Variants in GLRA2 observed in about 807,000 individuals in gnomAD.
GLRA2 encodes the protein glycine receptor subunit alpha-2.
In GLRA2, 11 loss-of-function variants were observed where a neutral mutation model predicts 31.6. The ratio of observed to expected loss-of-function variants is 0.35; its 90% CI spans 0.22 to 0.58. The LOEUF (loss-of-function observed/expected upper bound fraction) is 0.58. GLRA2 is among the 20% of genes least tolerant of loss of function. GLRA2 has a pLI of 0.84. For missense variants in GLRA2, 212 were observed against 351.8 expected (o/e 0.60, Z 3.18); for synonymous variants, 132 against 134.0 (o/e 0.99, Z 0.10).
At chrX:14,500,259 C>A in the GLRA2 span, among the ~76,000 whole-genome samples, 2 of 111,903 alleles carry the variant, frequency 1.8e-5, no homozygotes, top group Non-Finnish European at 3.8e-5. Context: ...TTTTTCAGCA[C>A]TAGATGGCTG....
At chrX:14,520,360 A>G in the GLRA2 span, among the ~76,000 whole-genome samples, 2 of 112,407 alleles carry the variant, frequency 1.8e-5, no homozygotes, top group East Asian at 5.6e-4. Flanking sequence ...CAAAGGAGAA[A>G]TCTTTCTAAT....
chrX:14,590,364 T>G, intron 4 of GLRA2, among the ~76,000 whole-genome samples: 1 of 111,377 alleles, frequency 9.0e-6, no homozygotes, highest in South Asian at 3.9e-4. Flanking sequence ...CTCCAAACAA[T>G]CTTGTCTAAT....
At chrX:14,606,568 A>G (rs759491042) in intron 5 of GLRA2, among the ~76,000 whole-genome samples, 1 of 111,701 alleles carries the variant, frequency 9.0e-6, no homozygotes, top group Admixed American at 9.5e-5. Context: ...TTACCTGCCA[A>G]TAGTCTTCCC....
chrX:14,559,816 C>G (rs918457877), intron 2 of GLRA2, among the ~76,000 whole-genome samples: 1 of 103,773 alleles, frequency 9.6e-6, no homozygotes, highest in African/African-American at 3.5e-5. Context: ...ACCTCCGCCT[C>G]GATTGTGGGG....
chrX:14,527,605 C>T (rs960742434), upstream of GLRA2, among the ~76,000 whole-genome samples: 1 of 106,274 alleles, frequency 9.4e-6, no homozygotes, highest in Non-Finnish European at 1.9e-5. Context: ...CAGAGTGAGA[C>T]TCCATCTCGG....
intron 2 of GLRA2, among the ~76,000 whole-genome samples, chrX:14,541,148 A>G (rs761623451): frequency 4.5e-5 from 5 of 111,600 alleles, no homozygotes; most frequent in Non-Finnish European, 7.6e-5. Flanking sequence ...GTGGGTTTGG[A>G]TTTGAGCAGA....
intron 2 of GLRA2, among the ~76,000 whole-genome samples, chrX:14,562,652 C>A (rs770412101): frequency 8.9e-6 from 1 of 112,191 alleles, no homozygotes; most frequent in South Asian, 3.7e-4. Flanking sequence ...TTTGAGACTT[C>A]TCTCCCTGGC....
intron 4 of GLRA2, among the ~76,000 whole-genome samples, chrX:14,597,389 T>C (rs1216098847): frequency 1.8e-5 from 2 of 112,165 alleles, no homozygotes; most frequent in Non-Finnish European, 3.8e-5. Context: ...AATTTACCTA[T>C]AAGAGGAAAT....
At chrX:14,696,242 CG>C (rs1275855342) in intron 8 of GLRA2, among the ~76,000 whole-genome samples, 1 of 103,903 alleles carries the variant, frequency 9.6e-6, no homozygotes, top group Non-Finnish European at 2.0e-5. Context: ...GAGGGAGGGA[CG>C]GAAGTGAAGT....
chrX:14,527,375 G>T (rs2089191539), upstream of GLRA2, among the ~76,000 whole-genome samples: 1 of 111,888 alleles, frequency 8.9e-6, no homozygotes, highest in Non-Finnish European at 1.9e-5. Flanking sequence ...CCAGCACTAT[G>T]GGAGGCTGAG....
At chrX:14,536,850 G>A (rs2089330829) in intron 2 of GLRA2, among the ~76,000 whole-genome samples, 1 of 111,612 alleles carries the variant, frequency 9.0e-6, no homozygotes, top group Non-Finnish European at 1.9e-5. Flanking sequence ...GTTTTCAGGT[G>A]TCTACGAATG....
At chrX:14,649,819 A>G (rs754305038) in intron 7 of GLRA2, among the ~76,000 whole-genome samples, 3 of 112,071 alleles carry the variant, frequency 2.7e-5, no homozygotes, top group African/African-American at 9.7e-5. Flanking sequence ...TCTAAAAAAC[A>G]TGGAGTTTAA....
the GLRA2 span, among the ~76,000 whole-genome samples, chrX:14,482,811 G>A: frequency 9.1e-6 from 1 of 110,410 alleles, no homozygotes; most frequent in African/African-American, 3.3e-5. Context: ...TTATGTGCCA[G>A]GCATATATTT....
At chrX:14,541,852 G>A (rs1377672328) in intron 2 of GLRA2, among the ~76,000 whole-genome samples, 4 of 110,930 alleles carry the variant, frequency 3.6e-5, no homozygotes, top group Non-Finnish European at 7.6e-5. Flanking sequence ...ACATAAGTTT[G>A]TATATAGTAT....
chrX:14,631,644 T>G (rs1036981077), intron 7 of GLRA2, among the ~76,000 whole-genome samples: 1 of 109,135 alleles, frequency 9.2e-6, no homozygotes, highest in Non-Finnish European at 1.9e-5. Context: ...TTTTCCAGTC[T>G]GGCTTATGGA....
chrX:14,601,621 A>G (rs1381433029), intron 4 of GLRA2, among the ~76,000 whole-genome samples: 1 of 111,928 alleles, frequency 8.9e-6, no homozygotes, highest in African/African-American at 3.2e-5. Flanking sequence ...ATGTTTTTAC[A>G]TTGCACTGTT....
chrX:14,564,253 T>G lies in GLRA2; in HGVS notation c.203-10080T>G, dbSNP rs770471868. ...ACATACATGGGATCCCTAGTAAGAC[T>G]ATCAACTGGTTTCTCAGTGGAAACC... On this transcript the variant is annotated intron_variant, in intron 2 of 8. Transcript: ENST00000218075. 8.2e-5 allele frequency among the ~76,000 whole-genome samples: 9 copies of G among 109,795 alleles called. No individual in the cohort carries two copies. The South Asian group carries it at 3.2e-3, about 39-fold the overall frequency.
the GLRA2 span, among the ~76,000 whole-genome samples, chrX:14,470,079 CT>C: frequency 1.7e-3 from 190 of 111,461 alleles, 1 homozygote; most frequent in Non-Finnish European, 2.5e-3. Flanking sequence ...TCTGAATTAA[CT>C]TTTTCATTTT....
At chrX:14,573,403 A>C (rs1469758131) in intron 2 of GLRA2, among the ~76,000 whole-genome samples, 2 of 112,063 alleles carry the variant, frequency 1.8e-5, no homozygotes, top group African/African-American at 6.5e-5. Flanking sequence ...TGTTTCTTGC[A>C]CTGGGCTGCT....
Sources: allele counts gnomAD v4.1 joint callset (sites outside exome capture counted in the v4.1 genomes callset), GRCh38; gene constraint gnomAD v4.1.1; transcripts MANE v1.5; gene names NCBI Gene and HGNC (gene_info 2026-07-23, HGNC 2026-07-21).